The following SLC25A20 variants were observed in gnomAD, a reference collection of about 807,000 sequenced individuals.
SLC25A20 encodes mitochondrial carnitine/acylcarnitine carrier protein.
In SLC25A20, 29 loss-of-function variants were observed where a neutral mutation model predicts 39.7. The observed-to-expected ratio is 0.73, with a 90% confidence interval of 0.54 to 1.00. The LOEUF is 1.00. SLC25A20 is among the 50% of genes least tolerant of loss of function. SLC25A20 has a pLI of 0.00. For missense variants in SLC25A20, 333 were observed against 379.9 expected, an observed-to-expected ratio of 0.88 and a Z score of 1.03; for synonymous variants, 103 against 142.2, an observed-to-expected ratio of 0.72 and a Z score of 1.96.
In SLC25A20 at chr3:48,898,865, C is replaced by G. The variant is rs886058660; in HGVS notation, c.-71G>C. 6.9e-7 allele frequency: 1 copy of G among 1,453,474 alleles called. No individual in the cohort carries two copies. The allele number at this position is 1,453,474 out of a possible 1,614,324, so 90.0% of individuals were successfully genotyped here. A position where few individuals can be genotyped will look rare whatever the true frequency, so the allele number is the denominator to read the frequency against. On this transcript the variant is annotated 5_prime_UTR_variant, in exon 1 of 9. Coordinates refer to ENST00000319017, the MANE Select transcript of SLC25A20 (RefSeq NM_000387.6). ...GGCTTCTCAGCCCCAGCTGCAGTGC[C>G]GGCGCCGCCGACCTTTCACCCACTT...
At chr3:48,865,099 T>C (rs2083656163) in intron 4 of SLC25A20, among the ~76,000 whole-genome samples, 1 of 151,320 alleles carries the variant, frequency 6.6e-6, no homozygotes, top group Non-Finnish European at 1.5e-5. Flanking sequence ...GATAAACTAG[T>C]CTGGAGTTCA....
intron 2 of SLC25A20, among the ~76,000 whole-genome samples, chr3:48,889,270 A>C (rs2083855725): frequency 6.6e-6 from 1 of 150,528 alleles, no homozygotes; most frequent in Non-Finnish European, 1.5e-5. Context: ...CATGCCTGTA[A>C]TCTCAGCTAC....
At chr3:48,883,856 T>C in intron 3 of SLC25A20, 141 bp downstream of exon 3, 9 of 967,188 alleles carry the variant, frequency 9.3e-6, no homozygotes, top group Non-Finnish European at 1.4e-5. Flanking sequence ...CCTCCTGACC[T>C]CAGGTGATCC....
chr3:48,890,548 T>C (rs2083865044), intron 2 of SLC25A20, among the ~76,000 whole-genome samples: 1 of 151,936 alleles, frequency 6.6e-6, no homozygotes, highest in Non-Finnish European at 1.5e-5. Flanking sequence ...CCCTCTCTGC[T>C]TCGGCTACCT....
intron 4 of SLC25A20, among the ~76,000 whole-genome samples, chr3:48,869,792 C>T (rs182213755): frequency 6.6e-6 from 1 of 152,050 alleles, no homozygotes; most frequent in Admixed American, 6.6e-5. Context: ...AGCCATGCAG[C>T]AGGGTGAGAC....
At position 48,898,780 on chromosome 3, in the gene SLC25A20, T is replaced by C. The variant is rs1299113694; in HGVS notation, c.15A>G (p.Pro5=). The change falls in exon 1 of 9, where the codon CCA becomes CCG. Residue 5 remains proline (P), a synonymous_variant. Transcript: ENST00000319017. ...GGTTCTTGAGCGGGCTGATGGGTTTTGGCTGGTCGGCCATGGTCAGTCCGT... is the reference window on the plus strand; with the variant it reads ...GGTTCTTGAGCGGGCTGATGGGTTTCGGCTGGTCGGCCATGGTCAGTCCGT... MADQ[P]KPISPLKNLL... 3 of 1,586,748 alleles carry C rather than the reference T, an allele frequency of 1.9e-6. No homozygotes were observed. The highest frequency in any genetic ancestry group is 2.6e-6 in the Non-Finnish European group (3 of 1,166,962).
chr3:48,878,275 T>A (rs10049072), intron 4 of SLC25A20, among the ~76,000 whole-genome samples: 3,839 of 121,528 alleles, frequency 0.032, 80 homozygotes, highest in African/African-American at 0.074. Flanking sequence ...AAAAAAAAAA[T>A]ATATATATAT....
intron 2 of SLC25A20, among the ~76,000 whole-genome samples, chr3:48,885,273 G>GAA (rs900821464): frequency 1.5e-5 from 2 of 137,138 alleles, no homozygotes; most frequent in Non-Finnish European, 3.2e-5. Context: ...CCCATCTCTA[G>GAA]AAAAAAAAAA....
At chr3:48,866,230 A>C (rs2083667727) in intron 4 of SLC25A20, among the ~76,000 whole-genome samples, 2 of 152,100 alleles carry the variant, frequency 1.3e-5, no homozygotes, top group African/African-American at 4.8e-5. Context: ...TAACAATTAG[A>C]GGAGAGGAAC....
At chr3:48,864,011 T>G (rs892370682) in intron 4 of SLC25A20, among the ~76,000 whole-genome samples, 2 of 146,452 alleles carry the variant, frequency 1.4e-5, no homozygotes, top group African/African-American at 5.1e-5. Context: ...CACAACTCTA[T>G]CTCAATCAAT....
intron 1 of SLC25A20, among the ~76,000 whole-genome samples, chr3:48,892,891 T>C (rs1054156901): frequency 5.9e-5 from 9 of 152,204 alleles, no homozygotes; most frequent in African/African-American, 1.9e-4. Flanking sequence ...TTCTAACTTA[T>C]ATGTCAACTC....
rs950272130 is a variant in SLC25A20, at chr3:48,872,936, T to C, written c.417+6422A>G. On this transcript the variant is annotated intron_variant, in intron 4 of 8. Transcript: ENST00000319017. ...AACATAAAATGATAAATAAAACCTA[T>C]AGAAGGCCCGGGTACGGTGGCTCAT... Among the ~76,000 whole-genome samples, 5 of 151,640 alleles carry C rather than the reference T, an allele frequency of 3.3e-5. No homozygotes were observed. In the South Asian group the frequency reaches 1.0e-3, roughly 31 times the overall value.
chr3:48,859,543 T>C lies in SLC25A20; in HGVS notation c.608+12A>G, dbSNP rs773824427. 2.5e-5 allele frequency: 40 copies of C among 1,611,880 alleles called. No homozygotes were observed. In the East Asian group the frequency reaches 6.2e-4, roughly 25 times the overall value. On this transcript the variant is annotated intron_variant, in intron 6 of 8. Transcript: ENST00000319017. Reference sequence around the variant, plus strand: ...ACTGGGGAAAGTGGCTTCCAAGTTATGTTTTCCTCACCTCTTTCCCTCCGG... The same window carrying C: ...ACTGGGGAAAGTGGCTTCCAAGTTACGTTTTCCTCACCTCTTTCCCTCCGG...
At chr3:48,889,408 A>T (rs779217540) in intron 2 of SLC25A20, among the ~76,000 whole-genome samples, 1 of 151,730 alleles carries the variant, frequency 6.6e-6, no homozygotes, top group African/African-American at 2.4e-5. Flanking sequence ...TATATATAAT[A>T]ATAATAATAA....
intron 4 of SLC25A20, among the ~76,000 whole-genome samples, chr3:48,868,796 T>C (rs1164649868): frequency 6.6e-6 from 1 of 152,162 alleles, no homozygotes. Flanking sequence ...TTCACCTTTA[T>C]GGAGTTGTAA....
chr3:48,864,944 T>G (rs2083654697), intron 4 of SLC25A20, among the ~76,000 whole-genome samples: 1 of 152,114 alleles, frequency 6.6e-6, no homozygotes, highest in South Asian at 2.1e-4. Flanking sequence ...ACTCCTGGGC[T>G]ATAATCCTGA....
At chr3:48,867,803 G>A (rs1341676825) in intron 4 of SLC25A20, among the ~76,000 whole-genome samples, 1 of 151,128 alleles carries the variant, frequency 6.6e-6, no homozygotes, top group Non-Finnish European at 1.5e-5. Context: ...GCTCATGCCT[G>A]TAATCCCAAC....
chr3:48,892,439 T>C (rs1028881140), intron 1 of SLC25A20, among the ~76,000 whole-genome samples: 8 of 152,180 alleles, frequency 5.3e-5, no homozygotes, highest in African/African-American at 1.9e-4. Flanking sequence ...TTGGTCAGAA[T>C]TCTCCAGAGA....
At chr3:48,878,270 AAAAAT>A (rs2083776080) in intron 4 of SLC25A20, among the ~76,000 whole-genome samples, 1 of 64,206 alleles carries the variant, frequency 1.6e-5, no homozygotes, top group Admixed American at 2.0e-4. Flanking sequence ...CACAAAAAAA[AAAAAT>A]ATATATATAT....
Sources: gnomAD v4.1 joint callset for allele counts (sites outside exome capture counted in the v4.1 genomes callset) on GRCh38, gnomAD v4.1.1 for gene constraint, MANE v1.5 for transcripts, NCBI Gene and HGNC (gene_info 2026-07-23, HGNC 2026-07-21) for gene names.